Variants in SASH1 observed in about 807,000 individuals in gnomAD.
SASH1 encodes the protein SAM and SH3 domain containing 1.
SASH1 carries 44 observed loss-of-function variants against 125.2 expected under a neutral mutation model. That is an observed-to-expected ratio of 0.35 (90% CI 0.28 to 0.45). The LOEUF is 0.45. SASH1 is among the 20% of genes least tolerant of loss of function. The pLI is 1.00. For missense variants in SASH1, 1,426 were observed against 1,614.5 expected, an observed-to-expected ratio of 0.88 and a Z score of 2.00; for synonymous variants, 639 against 649.1, an observed-to-expected ratio of 0.98 and a Z score of 0.24.
At chr6:148,273,701 G>T (rs1779117258) in intron 1 of SASH1, among the ~76,000 whole-genome samples, 1 of 152,218 alleles carries the variant, frequency 6.6e-6, no homozygotes, top group South Asian at 2.1e-4. Context: ...TCAATGCATG[G>T]GTGCTGACCC....
rs1215735235 is a variant in SASH1 at position 148,342,978 on chromosome 6, G to A, written c.-90G>A. 2 of 1,010,204 alleles carry A rather than the reference G, an allele frequency of 2.0e-6. No homozygotes were observed. The highest frequency in any genetic ancestry group is 2.4e-6 in the Non-Finnish European group (2 of 845,010). 62.6% of individuals were successfully genotyped at this position (1,010,204 alleles called of 1,614,324 possible). ...GGCGCGGCTCGGTGACGCCGCGGGC[G>A]GGGACCCGGCATCCGGGCAGGCTGC... On this transcript the variant is annotated 5_prime_UTR_variant, in exon 1 of 20. Transcript: ENST00000367467.
At chr6:148,418,116 G>A (rs945422784) in intron 2 of SASH1, among the ~76,000 whole-genome samples, 24 of 152,258 alleles carry the variant, frequency 1.6e-4, no homozygotes, top group Admixed American at 1.2e-3. Flanking sequence ...ATGTTTGGTA[G>A]CTCCAAAGGT....
chr6:148,512,861 A>G lies in SASH1; in HGVS notation c.730-1463A>G, dbSNP rs955283126. The G allele has an allele frequency of 1.0e-4, 100 of 985,140 alleles. No homozygotes were observed. In the African/African-American group the frequency reaches 1.7e-3, roughly 17 times the overall value. 61.0% of individuals were successfully genotyped at this position (985,140 alleles called of 1,614,324 possible). On this transcript the variant is annotated intron_variant, in intron 8 of 19. Coordinates refer to ENST00000367467, the MANE Select transcript of SASH1 (RefSeq NM_015278.5). Reference sequence around the variant, plus strand: ...ACACTTCTGTCCTGATGACTTGCTGATGTTAGGTTTATAGTTAACCATAAG... The same window carrying G: ...ACACTTCTGTCCTGATGACTTGCTGGTGTTAGGTTTATAGTTAACCATAAG...
chr6:148,196,522 G>A, the SASH1 span, among the ~76,000 whole-genome samples: 1 of 152,172 alleles, frequency 6.6e-6, no homozygotes. Flanking sequence ...CCTCCCAAGA[G>A]ACCCCAGCCA....
rs543326614 is a variant in SASH1 at position 148,299,983 on chromosome 6, A to G, written n.74+27606A>G. 3.9e-5 allele frequency among the ~76,000 whole-genome samples: 6 copies of G among 152,286 alleles called. No homozygotes were observed. In the East Asian group the frequency reaches 9.6e-4, roughly 24 times the overall value. On this transcript the variant is annotated intron_variant and non_coding_transcript_variant, in intron 1 of 3. Coordinates refer to the SASH1 transcript ENST00000367469. ...CTTTCAATGCCTGGGGCCTGTTTCC[A>G]CTGATGCATGGGTATCAGTTTGGCA...
Position 148,377,688 on chromosome 6 carries a change from C to T in SASH1, c.157-12446C>T, listed in dbSNP as rs189599413. ...TATCAAATGAGATCATATTTAAGGC[C>T]CTTCCCTGTATTGAAATTCTAGATC... On this transcript the variant is annotated intron_variant, in intron 1 of 19. Transcript: ENST00000367467. Among the ~76,000 whole-genome samples, 291 of 152,204 alleles carry T rather than the reference C, an allele frequency of 1.9e-3. 2 individuals carry two copies. The highest frequency in any genetic ancestry group is 6.6e-3 in the African/African-American group (275 of 41,530).
chr6:148,287,759 A>T (rs569844180), intron 1 of SASH1, among the ~76,000 whole-genome samples: 42 of 151,984 alleles, frequency 2.8e-4, no homozygotes, highest in African/African-American at 9.9e-4. Flanking sequence ...TCATTTGTAA[A>T]TTTAGTTAAT....
chr6:148,517,883 C>T (rs1471146239), intron 9 of SASH1, among the ~76,000 whole-genome samples: 1 of 152,188 alleles, frequency 6.6e-6, no homozygotes, highest in Non-Finnish European at 1.5e-5. Flanking sequence ...TCCCTGAAAC[C>T]CCTTAGGACT....
intron 7 of SASH1, among the ~76,000 whole-genome samples, chr6:148,477,677 C>T (rs965626423): frequency 6.0e-5 from 9 of 150,996 alleles, no homozygotes; most frequent in African/African-American, 2.0e-4. Context: ...AGGTGCCTGC[C>T]ACCACACCTG....
At chr6:148,297,151 A>G in intron 1 of SASH1, among the ~76,000 whole-genome samples, 1 of 152,240 alleles carries the variant, frequency 6.6e-6, no homozygotes, top group Admixed American at 6.5e-5. Context: ...TTCAGCACAG[A>G]GAGTAGGACT....
At chr6:148,516,343 C>T (rs543257683) in intron 9 of SASH1, among the ~76,000 whole-genome samples, 37 of 152,202 alleles carry the variant, frequency 2.4e-4, no homozygotes, top group African/African-American at 8.7e-4. Flanking sequence ...TTGGGCTGCC[C>T]TCCAATTCCC....
intron 2 of SASH1, 147 bp downstream of exon 2, chr6:148,390,409 A>G: frequency 1.3e-6 from 1 of 765,540 alleles, no homozygotes; most frequent in Non-Finnish European, 2.0e-6. Flanking sequence ...TCAGGTCCCT[A>G]AAAGACTGGC....
chr6:148,211,844 C>A, the SASH1 span, among the ~76,000 whole-genome samples: 1 of 152,152 alleles, frequency 6.6e-6, no homozygotes, highest in Non-Finnish European at 1.5e-5. Context: ...CCACCATGCG[C>A]TGGAAGCATC....
intron 1 of SASH1, among the ~76,000 whole-genome samples, chr6:148,334,627 C>T (rs555729107): frequency 1.3e-5 from 2 of 151,654 alleles, no homozygotes; most frequent in Non-Finnish European, 2.9e-5. Flanking sequence ...GCCTGGCCAA[C>T]ATGGTGAAAC....
chr6:148,416,235 T>C, intron 2 of SASH1, among the ~76,000 whole-genome samples: 1 of 152,218 alleles, frequency 6.6e-6, no homozygotes, highest in East Asian at 1.9e-4. Context: ...TTCAAAAGAA[T>C]AGATGAAACA....
chr6:148,240,824 TAAAG>T, the SASH1 span, among the ~76,000 whole-genome samples: 1 of 152,158 alleles, frequency 6.6e-6, no homozygotes, highest in African/African-American at 2.4e-5. Context: ...AGCTATTCTT[TAAAG>T]AAAGAGAAAA....
At chr6:148,354,014 A>G (rs1781835064) in intron 1 of SASH1, among the ~76,000 whole-genome samples, 1 of 152,112 alleles carries the variant, frequency 6.6e-6, no homozygotes, top group South Asian at 2.1e-4. Context: ...TACAAAAAAA[A>G]TTTAAAAGAG....
chr6:148,493,650 G>A (rs149351124), intron 8 of SASH1, among the ~76,000 whole-genome samples: 10 of 152,230 alleles, frequency 6.6e-5, no homozygotes, highest in African/African-American at 2.2e-4. Context: ...CACCCCAATC[G>A]CTGAAATTAG....
intron 2 of SASH1, among the ~76,000 whole-genome samples, chr6:148,402,720 T>C (rs1784223996): frequency 6.6e-6 from 1 of 151,874 alleles, no homozygotes; most frequent in South Asian, 2.1e-4. Flanking sequence ...GTTCACACCA[T>C]TCCCCTTCCT....
Sources: gnomAD v4.1 joint callset for allele counts (sites outside exome capture counted in the v4.1 genomes callset) on GRCh38, gnomAD v4.1.1 for gene constraint, MANE v1.5 for transcripts, NCBI Gene and HGNC (gene_info 2026-07-23, HGNC 2026-07-21) for gene names.